The following ENG variants were observed in gnomAD, a reference collection of about 807,000 sequenced individuals.
ENG encodes CD105 antigen.
Under a neutral mutation model 71.0 loss-of-function variants are expected in ENG, and 17 were observed. That is an observed-to-expected ratio of 0.24 (90% CI 0.16 to 0.36). The LOEUF (loss-of-function observed/expected upper bound fraction) is 0.36. Ranked by LOEUF, ENG falls within the 10% of genes least tolerant of loss-of-function variation. ENG has a pLI of 1.00. For synonymous variants in ENG, 360 were observed against 366.9 expected, an observed-to-expected ratio of 0.98 and a Z score of 0.21; for missense variants, 749 against 868.3, an observed-to-expected ratio of 0.86 and a Z score of 1.73.
chr9:127,818,491 GGAAA>G (rs1830389406), intron 11 of ENG, 114 bp from the exon 12 acceptor site: 3 of 1,549,700 alleles, frequency 1.9e-6, no homozygotes, highest in East Asian at 2.4e-5. Flanking sequence ...TCCTCACAGT[GGAAA>G]GAAAGACATG....
intron 1 of ENG, among the ~76,000 whole-genome samples, chr9:127,851,274 C>T (rs996993865): frequency 1.3e-5 from 2 of 151,850 alleles, no homozygotes; most frequent in African/African-American, 2.4e-5. Context: ...GGCTGGAGTG[C>T]GGTGGCTTGA....
intron 3 of ENG, among the ~76,000 whole-genome samples, chr9:127,829,189 G>A (rs185836601): frequency 6.6e-6 from 1 of 152,236 alleles, no homozygotes; most frequent in African/African-American, 2.4e-5. Context: ...AATCCATTTA[G>A]AGCAACTCTT....
At chr9:127,822,457 C>T (rs185200451) in intron 8 of ENG, 1 of 152,324 alleles carries the variant, frequency 6.6e-6, no homozygotes, top group Non-Finnish European at 1.5e-5. Context: ...CCCAGTAATT[C>T]CACTAATGTG....
In ENG at chr9:127,846,885, C is replaced by T. The variant is rs978665318; in HGVS notation, c.68-3640G>A. On this transcript the variant is annotated intron_variant, in intron 1 of 14. Transcript: ENST00000373203. This position sits in a 1 kb window ranked among gnomAD's most constrained non-coding sequence, Gnocchi z 5.5. ...CCTCCCACCACTGTCCCCTCTCCACCCTCGCCACCCATGTGCACACAGCAC... is the reference window on the plus strand; with the variant it reads ...CCTCCCACCACTGTCCCCTCTCCACTCTCGCCACCCATGTGCACACAGCAC... 9.3e-5 allele frequency: 92 copies of T among 985,492 alleles called. No homozygotes were observed. The highest frequency in any genetic ancestry group is 1.1e-4 in the Non-Finnish European group (89 of 830,092). 61.0% of individuals were successfully genotyped at this position (985,492 alleles called of 1,614,324 possible). A position where few individuals can be genotyped will look rare whatever the true frequency, so the allele number is the denominator to read the frequency against.
chr9:127,817,582 C>T (rs920406178), intron 12 of ENG, among the ~76,000 whole-genome samples: 11 of 152,116 alleles, frequency 7.2e-5, no homozygotes, highest in Non-Finnish European at 1.2e-4. Context: ...CCCTAGCTTC[C>T]TATGACCAGA....
intron 1 of ENG, among the ~76,000 whole-genome samples, chr9:127,852,483 C>T (rs535980987): frequency 2.8e-4 from 42 of 152,288 alleles, no homozygotes; most frequent in South Asian, 6.2e-4. Flanking sequence ...TACCTTTGAG[C>T]CTGTGACTCC....
Position 127,829,780 on chromosome 9 carries a change from G to A in ENG, c.267C>T (p.Gly89=). ...ELTLQASKQN[G]TWPREVLLVL... is the part of the protein sequence containing the mutation. ...CCAGAAGCACCTCTCGGGGCCAGGT[G>A]CCATTTTGCTTGGATGCCTGGAGAG... Residue 89 remains glycine, a synonymous_variant, in exon 3 of 15, where the codon GGC becomes GGT. Coordinates refer to ENST00000373203, the MANE Select transcript of ENG (RefSeq NM_001114753.3). 1 of 1,614,116 alleles carries A rather than the reference G, an allele frequency of 6.2e-7. No homozygotes were observed. The highest frequency in any genetic ancestry group is 8.5e-7 in the Non-Finnish European group (1 of 1,180,026).
intron 2 of ENG, among the ~76,000 whole-genome samples, chr9:127,832,266 G>A (rs1388711016): frequency 6.6e-6 from 1 of 151,718 alleles, no homozygotes; most frequent in Admixed American, 6.6e-5. Flanking sequence ...GTAGAGATGG[G>A]GTTTCAGCAT....
rs1156987869 is a variant in ENG at position 127,824,780 on chromosome 9, G to GGGAGGA, written c.991+19_991+20insTCCTCC. On this transcript the variant is annotated intron_variant, in intron 7 of 14. Transcript: ENST00000373203. ...CCAAGGGAGGGGAAGGGAAGGGAGGGGCAGGGGAAGGGTGCTCACCGCAGC... is the reference window on the plus strand; with the variant it reads ...CCAAGGGAGGGGAAGGGAAGGGAGGGGGAGGAGCAGGGGAAGGGTGCTCACCGCAGC... The GGGAGGA allele has an allele frequency of 1.3e-6, 2 of 1,529,312 alleles. No individual in the cohort carries two copies. The highest frequency in any genetic ancestry group is 1.8e-6 in the Non-Finnish European group (2 of 1,139,598). The allele number at this position is 1,529,312 out of a possible 1,614,324, so 94.7% of individuals were successfully genotyped here. A position where few individuals can be genotyped will look rare whatever the true frequency, so the allele number is the denominator to read the frequency against.
intron 2 of ENG, among the ~76,000 whole-genome samples, chr9:127,842,809 T>A (rs941978703): frequency 6.6e-6 from 1 of 150,826 alleles, no homozygotes; most frequent in African/African-American, 2.5e-5. Context: ...TGGAGGTGCA[T>A]AAGCAACACT....
At position 127,816,918 on chromosome 9, in the gene ENG, C is replaced by T. The variant is rs541418076; in HGVS notation, c.1741+231G>A. 1.3e-3 allele frequency: 791 copies of T among 597,146 alleles called. 7 individuals are homozygous for T. The highest frequency in any genetic ancestry group is 0.012 in the African/African-American group (632 of 53,938). The allele number at this position is 597,146 out of a possible 1,614,324, so 37.0% of individuals were successfully genotyped here. On this transcript the variant is annotated intron_variant, in intron 13 of 14. Transcript: ENST00000373203. ...GTGGGGGCAGAGGCCTAGACTCCCA[C>T]CCCACAGGGCGGTCCCGGGCAAGGG...
chr9:127,837,661 C>G (rs573007453), intron 2 of ENG, among the ~76,000 whole-genome samples: 2 of 152,166 alleles, frequency 1.3e-5, no homozygotes, highest in South Asian at 4.1e-4. Flanking sequence ...CATCAGCCCA[C>G]TTGGGAATAG....
At chr9:127,826,290 G>A (rs1830613160) in intron 4 of ENG, among the ~76,000 whole-genome samples, 1 of 152,176 alleles carries the variant, frequency 6.6e-6, no homozygotes, top group South Asian at 2.1e-4. Context: ...AAAATGCTGG[G>A]GTTTTAGGTC....
rs189591468 is a variant in ENG at position 127,820,777 on chromosome 9, C to T, written c.1135-740G>A. Among the ~76,000 whole-genome samples, 155 of 151,290 alleles carry T rather than the reference C, an allele frequency of 1.0e-3. 1 individual carries two copies. Among genetic ancestry groups the T allele is most frequent in the African/African-American group, 2.8e-3 (117 of 41,296 alleles). On this transcript the variant is annotated intron_variant, in intron 8 of 14. Transcript: ENST00000373203. ...CCGGGAGGCGGAGTTTGCAGTGAGCCGAGATCGCACCATTGCACTCCAGCC... is the reference window on the plus strand; with the variant it reads ...CCGGGAGGCGGAGTTTGCAGTGAGCTGAGATCGCACCATTGCACTCCAGCC...
At chr9:127,817,749 C>A in intron 12 of ENG, 1 of 405,532 alleles carries the variant, frequency 2.5e-6, no homozygotes, top group Middle Eastern at 7.6e-4. Context: ...GTCCGCCTCT[C>A]TTCCCTCAGG....
chr9:127,841,348 G>A (rs193185736), intron 2 of ENG: 2 of 152,230 alleles, frequency 1.3e-5, no homozygotes, highest in African/African-American at 4.8e-5. Context: ...CTGCCTAGGG[G>A]CCCTCCTCTC....
At chr9:127,840,324 A>G (rs1588594605) in intron 2 of ENG, among the ~76,000 whole-genome samples, 1 of 152,220 alleles carries the variant, frequency 6.6e-6, no homozygotes, top group Non-Finnish European at 1.5e-5. Context: ...GGCCAGACGC[A>G]GTGGCTCATG....
intron 3 of ENG, among the ~76,000 whole-genome samples, chr9:127,828,808 A>G (rs904561867): frequency 6.6e-6 from 1 of 151,948 alleles, no homozygotes; most frequent in Non-Finnish European, 1.5e-5. Context: ...ACTTCGCTCA[A>G]GCCTGCCTCC....
chr9:127,827,332 A>T (rs1830642824), intron 3 of ENG: 1 of 152,428 alleles, frequency 6.6e-6, no homozygotes, highest in Non-Finnish European at 1.5e-5. Context: ...GAAACAATAG[A>T]AGACAGAATT....
Sources: gnomAD v4.1 joint callset for allele counts (sites outside exome capture counted in the v4.1 genomes callset) on GRCh38, gnomAD v4.1.1 for gene constraint, Gnocchi (gnomAD v3.1) non-coding constraint, MANE v1.5 for transcripts, NCBI Gene and HGNC (gene_info 2026-07-23, HGNC 2026-07-21) for gene names.